The following PTPRD variants were observed in gnomAD, a reference collection of about 807,000 sequenced individuals.
PTPRD encodes the protein receptor-type tyrosine-protein phosphatase delta.
A neutral mutation model predicts 214.5 loss-of-function variants in PTPRD; 34 were observed. The observed-to-expected ratio is 0.16, with a 90% CI of 0.12 to 0.21. The LOEUF is 0.21. Ranked by LOEUF, PTPRD falls within the 10% of genes least tolerant of loss-of-function variation. PTPRD has a pLI of 1.00. For missense variants in PTPRD, 2,545 were observed against 2,398.7 expected (o/e 1.06, Z -1.27); for synonymous variants, 1,128 against 845.7 (o/e 1.33, Z -5.79).
intron 7 of PTPRD, among the ~76,000 whole-genome samples, chr9:9,584,641 C>T (rs1203367282): frequency 6.6e-6 from 1 of 151,872 alleles, no homozygotes; most frequent in Non-Finnish European, 1.5e-5. Context: ...TCATCCATTC[C>T]TCTTCTATTA....
chr9:8,851,641 T>C (rs991224887), intron 11 of PTPRD, among the ~76,000 whole-genome samples: 1 of 152,196 alleles, frequency 6.6e-6, no homozygotes. Flanking sequence ...ATATGGTATG[T>C]TCATTACGTG....
chr9:8,716,912 G>A (rs958111938), intron 12 of PTPRD, among the ~76,000 whole-genome samples: 23 of 152,076 alleles, frequency 1.5e-4, no homozygotes, highest in Non-Finnish European at 2.6e-4. Context: ...AAAATTTTAG[G>A]CTGGGCACTC....
At chr9:8,603,717 C>G (rs1463065579) in intron 14 of PTPRD, among the ~76,000 whole-genome samples, 3 of 152,108 alleles carry the variant, frequency 2.0e-5, no homozygotes, top group Non-Finnish European at 4.4e-5. Context: ...TCCTAACTCT[C>G]CTATCCATTG....
At position 8,481,599 on chromosome 9, in the gene PTPRD, C is replaced by G. The variant is rs184307848; in HGVS notation, c.3413+2520G>C. Among the ~76,000 whole-genome samples the G allele has an allele frequency of 6.1e-4, 93 of 152,196 alleles. 1 individual carries two copies. The East Asian group carries it at 0.016, about 26-fold the overall frequency. On this transcript the variant is annotated intron_variant, in intron 30 of 45. Transcript: ENST00000381196. ...TGCCATGCTGCTCTGGCTCAGTTCT[C>G]CTGTTAGATTTCTAATAATCCCTCT...
In PTPRD at chr9:8,557,614, G is replaced by GCA. The variant is rs202213389; in HGVS notation, c.353-28837_353-28836dup. On this transcript the variant is annotated intron_variant, in intron 14 of 45. Coordinates refer to ENST00000381196, the MANE Select transcript of PTPRD (RefSeq NM_002839.4). ...AAAAATTAGCCAGGCATGGTGGTGG[G>GCA]CACCTGTAATCCCAACTACTGGGGA... Among the ~76,000 whole-genome samples the GCA allele has an allele frequency of 7.1e-3, 1,055 of 149,200 alleles. 9 individuals carry two copies. Among genetic ancestry groups the GCA allele is most frequent in the African/African-American group, 0.025 (1,000 of 40,336 alleles).
At chr9:9,663,098 A>T (rs946166786) in intron 7 of PTPRD, among the ~76,000 whole-genome samples, 1 of 151,532 alleles carries the variant, frequency 6.6e-6, no homozygotes, top group African/African-American at 2.4e-5. Context: ...ACAAGCTGTT[A>T]TGTGTGTGTT....
At chr9:9,232,095 G>C (rs150693163) in intron 9 of PTPRD, among the ~76,000 whole-genome samples, 423 of 152,254 alleles carry the variant, frequency 2.8e-3, no homozygotes, top group Non-Finnish European at 4.9e-3. Context: ...TTGTGCAGGG[G>C]AACAAAAGTT....
intron 8 of PTPRD, among the ~76,000 whole-genome samples, chr9:9,524,924 C>G (rs2073706680): frequency 6.6e-6 from 1 of 152,210 alleles, no homozygotes; most frequent in Non-Finnish European, 1.5e-5. Context: ...GTGGCGCAAT[C>G]TCGGCTCACT....
At chr9:9,517,416 C>G (rs779173810) in intron 8 of PTPRD, among the ~76,000 whole-genome samples, 5 of 151,994 alleles carry the variant, frequency 3.3e-5, no homozygotes, top group Admixed American at 6.6e-5. Context: ...GAACAAAGAG[C>G]CTAGGCAAAA....
At chr9:9,450,987 A>ACACACACACACACACACACT (rs2092006110) in intron 8 of PTPRD, among the ~76,000 whole-genome samples, 1 of 148,672 alleles carries the variant, frequency 6.7e-6, no homozygotes. Flanking sequence ...ACACACACAC[A>ACACACACACACACACACACT]GACACACAGT....
chr9:9,154,792 C>A (rs529580106), intron 10 of PTPRD, among the ~76,000 whole-genome samples: 16 of 152,134 alleles, frequency 1.1e-4, no homozygotes, highest in African/African-American at 3.4e-4. Context: ...ATGACAAAAA[C>A]CACTTTTTGT....
intron 2 of PTPRD, among the ~76,000 whole-genome samples, chr9:10,425,405 A>G (rs776481890): frequency 6.6e-6 from 1 of 151,962 alleles, no homozygotes. Flanking sequence ...TTATAATAAC[A>G]TTATTTGTGA....
At chr9:9,387,103 A>G (rs996388551) in intron 9 of PTPRD, among the ~76,000 whole-genome samples, 4 of 152,214 alleles carry the variant, frequency 2.6e-5, no homozygotes, top group Non-Finnish European at 4.4e-5. Context: ...AAAGACCTAC[A>G]TTTACAAAGG....
intron 12 of PTPRD, among the ~76,000 whole-genome samples, chr9:8,704,895 C>T (rs1235189492): frequency 1.3e-5 from 2 of 151,720 alleles, no homozygotes; most frequent in Non-Finnish European, 2.9e-5. Flanking sequence ...TGCACTCTAG[C>T]CCGGGCGATA....
intron 11 of PTPRD, among the ~76,000 whole-genome samples, chr9:8,924,463 T>A (rs1367246202): frequency 5.3e-5 from 8 of 152,174 alleles, no homozygotes; most frequent in African/African-American, 4.8e-5. Flanking sequence ...GCATGTTGCA[T>A]CAATTTGCGG....
At chr9:9,858,053 C>G (rs2061903882) in intron 5 of PTPRD, among the ~76,000 whole-genome samples, 1 of 152,164 alleles carries the variant, frequency 6.6e-6, no homozygotes. Context: ...CCAATCAGAA[C>G]TTGATACTCT....
intron 5 of PTPRD, among the ~76,000 whole-genome samples, chr9:9,894,253 C>T (rs1305395760): frequency 6.6e-6 from 1 of 152,036 alleles, no homozygotes; most frequent in Non-Finnish European, 1.5e-5. Flanking sequence ...CTTTTCCCCA[C>T]TCAGCCCCAG....
intron 12 of PTPRD, among the ~76,000 whole-genome samples, chr9:8,697,131 A>G (rs2154387284): frequency 6.6e-6 from 1 of 152,320 alleles, no homozygotes; most frequent in East Asian, 1.9e-4. Flanking sequence ...TCAGAAAATC[A>G]CGACCATGGA....
chr9:9,232,898 C>A (rs1255963801), intron 9 of PTPRD, among the ~76,000 whole-genome samples: 6 of 152,052 alleles, frequency 3.9e-5, no homozygotes, highest in African/African-American at 9.7e-5. Flanking sequence ...AACTAGAACC[C>A]CTTTTCCACA....
Sources: gnomAD v4.1 joint callset for allele counts (sites outside exome capture counted in the v4.1 genomes callset) on GRCh38, gnomAD v4.1.1 for gene constraint, MANE v1.5 for transcripts, NCBI Gene and HGNC (gene_info 2026-07-23, HGNC 2026-07-21) for gene names.